BTBD19: variants seen among roughly 807,000 people sequenced by gnomAD.
BTBD19 encodes the protein BTB domain containing 19.
A neutral mutation model predicts 36.1 loss-of-function variants in BTBD19; 20 were observed. The observed-to-expected ratio is 0.55, with a 90% CI of 0.39 to 0.80. The LOEUF (loss-of-function observed/expected upper bound fraction) is 0.80. BTBD19 is among the 30% of genes least tolerant of loss of function. The pLI is 0.00. For synonymous variants in BTBD19, 157 were observed against 174.3 expected, an observed-to-expected ratio of 0.90 and a Z score of 0.78; for missense variants, 325 against 389.8, an observed-to-expected ratio of 0.83 and a Z score of 1.40.
rs899260368 is a variant in BTBD19, at chr1:44,810,350, G to A, written c.224G>A (p.Ser75Asn). ...GGGGTGCCCAGTCCTGTGGTGCTAA[G>A]CACTGTGCCAACTGAGGCCTTCCTG... The change falls in exon 2 of 8, where the codon AGC becomes AAC. Residue 75 changes from serine to asparagine, a missense_variant. Transcript: ENST00000450269. This position sits in a 1 kb window ranked among gnomAD's most constrained non-coding sequence, Gnocchi z 4.2. The A allele has an allele frequency of 5.2e-6, 8 of 1,551,678 alleles. No individual in the cohort carries two copies. The highest frequency in any genetic ancestry group is 3.9e-5 in the Admixed American group (2 of 50,986).
downstream of BTBD19, chr1:44,814,154 CTTTCTTTCTTTCTT>C: frequency 9.9e-6 from 1 of 100,784 alleles, no homozygotes; most frequent in East Asian, 3.0e-4. Flanking sequence ...CTTTCTCTTT[CTTTCTTTCTTTCTT>C]TCTTTCTTTC....
chr1:44,812,118 C>T lies in BTBD19; in HGVS notation c.414+20C>T, dbSNP rs1390768617. The T allele has an allele frequency of 3.3e-5, 43 of 1,298,732 alleles. No individual in the cohort carries two copies. The highest frequency in any genetic ancestry group is 4.3e-5 in the Non-Finnish European group (42 of 982,960). The allele number at this position is 1,298,732 out of a possible 1,614,324, so 80.5% of individuals were successfully genotyped here. A position where few individuals can be genotyped will look rare whatever the true frequency, so the allele number is the denominator to read the frequency against. Reference sequence around the variant, plus strand: ...CTGCAGGTGGGTGCTGCTGGACAGGCATGGTAGGAGTCTGGCTCTGTGTGT... The same window carrying T: ...CTGCAGGTGGGTGCTGCTGGACAGGTATGGTAGGAGTCTGGCTCTGTGTGT... On this transcript the variant is annotated intron_variant, in intron 4 of 7. Transcript: ENST00000450269.
intron 3 of BTBD19, 77 bp from the exon 4 acceptor site, chr1:44,811,962 C>T (rs1473844298): frequency 2.6e-6 from 3 of 1,164,676 alleles, no homozygotes; most frequent in Non-Finnish European, 3.5e-6. Context: ...TCCAAGCCTG[C>T]TCACTGCTTC....
rs1448144467 is a variant in BTBD19 at position 44,813,821 on chromosome 1, G to GC, written c.*53dup. 3 of 1,549,580 alleles carry GC rather than the reference G, an allele frequency of 1.9e-6. No homozygotes were observed. Among genetic ancestry groups the GC allele is most frequent in the Non-Finnish European group, 2.6e-6 (3 of 1,145,842 alleles). ...GCCCTCGACCCGCCCAGCTGAGCCTGCCCCAAACTACAGCTCCCGAAGTGC... is the reference window on the plus strand; with the variant it reads ...GCCCTCGACCCGCCCAGCTGAGCCTGCCCCCAAACTACAGCTCCCGAAGTGC... On this transcript the variant is annotated 3_prime_UTR_variant, in exon 8 of 8. Transcript: ENST00000450269. The surrounding 1 kb of genome is among the most constrained non-coding windows in gnomAD (Gnocchi z 7.8).
Position 44,810,492 on chromosome 1 carries a change from T to A in BTBD19, c.301-62T>A. ...GGTGCCAGAGGCAGGAGTTTGCCCA[T>A]TACACTGTGGGCACAGGGCAGGGGA... On this transcript the variant is annotated intron_variant, in intron 2 of 7. Transcript: ENST00000450269. This position sits in a 1 kb window ranked among gnomAD's most constrained non-coding sequence, Gnocchi z 4.2. The A allele has an allele frequency of 4.5e-6, 7 of 1,549,910 alleles. No individual in the cohort carries two copies. The highest frequency in any genetic ancestry group is 5.2e-6 in the Non-Finnish European group (6 of 1,145,870).
chr1:44,808,735 C>G, exon 1 of BTBD19: 1 of 942,954 alleles, frequency 1.1e-6, no homozygotes, highest in Non-Finnish European at 1.5e-6. Flanking sequence ...CCCTGCTTCT[C>G]CCTCTCAGGC....
At position 44,810,674 on chromosome 1, in the gene BTBD19, C is replaced by T; in HGVS notation, c.354+67C>T. Reference sequence around the variant, plus strand: ...CTCACGGGCTCACTTCCCGCCCTGCCTCACACACACTCTGGCCTGGAGAGG... The same window carrying T: ...CTCACGGGCTCACTTCCCGCCCTGCTTCACACACACTCTGGCCTGGAGAGG... On this transcript the variant is annotated intron_variant, in intron 3 of 7. Coordinates refer to ENST00000450269, the Ensembl canonical transcript of BTBD19. The surrounding 1 kb of genome is among the most constrained non-coding windows in gnomAD (Gnocchi z 4.2). 18 of 1,422,488 alleles carry T rather than the reference C, an allele frequency of 1.3e-5. No homozygotes were observed. Among genetic ancestry groups the T allele is most frequent in the Non-Finnish European group, 1.7e-5 (18 of 1,061,356 alleles). 88.1% of individuals were successfully genotyped at this position (1,422,488 alleles called of 1,614,324 possible).
Position 44,810,747 on chromosome 1 carries a change from T to C in BTBD19, c.354+140T>C, listed in dbSNP as rs543325288. 1.6e-4 allele frequency: 120 copies of C among 756,954 alleles called. No individual in the cohort carries two copies. The Middle Eastern group carries it at 2.4e-3, about 15-fold the overall frequency. 46.9% of individuals were successfully genotyped at this position (756,954 alleles called of 1,614,324 possible). ...AGTATGTATATCTCTCCCAAGTAAG[T>C]AGGGCATGTATGTGTGCCTGTGTGC... is the stretch of plus-strand genomic sequence containing the variant. On this transcript the variant is annotated intron_variant, in intron 3 of 7. Coordinates refer to ENST00000450269, the Ensembl canonical transcript of BTBD19. This position sits in a 1 kb window ranked among gnomAD's most constrained non-coding sequence, Gnocchi z 4.2.
rs1652334301 is a variant in BTBD19 at position 44,810,225 on chromosome 1, C to CG, written c.100dup (p.Val34GlyfsTer19). On this transcript the variant is annotated frameshift_variant, in exon 2 of 8. Coordinates refer to ENST00000450269, the Ensembl canonical transcript of BTBD19. LOFTEE classifies it high-confidence loss of function. This position sits in a 1 kb window ranked among gnomAD's most constrained non-coding sequence, Gnocchi z 4.2. ...CTGTCTCCCACAGTGATGTTTGCTT[C>CG]GTGGTTGGTCAAGAACGGCAGGAGG... 1.9e-6 allele frequency: 3 copies of CG among 1,551,688 alleles called. No homozygotes were observed. The highest frequency in any genetic ancestry group is 2.6e-6 in the Non-Finnish European group (3 of 1,146,870).
Position 44,813,073 on chromosome 1 carries a change from C to T in BTBD19, c.483+9C>T. 6.4e-7 allele frequency: 1 copy of T among 1,550,454 alleles called. No individual in the cohort carries two copies. The highest frequency in any genetic ancestry group is 8.7e-7 in the Non-Finnish European group (1 of 1,146,146). On this transcript the variant is annotated intron_variant, in intron 5 of 7. Transcript: ENST00000450269. The surrounding 1 kb of genome is among the most constrained non-coding windows in gnomAD (Gnocchi z 7.8). Reference sequence around the variant, plus strand: ...TAGAGGCCCACAGCCAGGTACTGCTCCCTTCATACTCCTCACCCTACGCAC... The same window carrying T: ...TAGAGGCCCACAGCCAGGTACTGCTTCCTTCATACTCCTCACCCTACGCAC...
Position 44,812,103 on chromosome 1 carries a change from G to T in BTBD19, c.414+5G>T. On this transcript the variant is annotated splice_donor_5th_base_variant and intron_variant, in intron 4 of 7. Coordinates refer to ENST00000450269, the Ensembl canonical transcript of BTBD19. ...TTGGTTTGTGAGGCCCTGCAGGTGGGTGCTGCTGGACAGGCATGGTAGGAG... is the reference window on the plus strand; with the variant it reads ...TTGGTTTGTGAGGCCCTGCAGGTGGTTGCTGCTGGACAGGCATGGTAGGAG... 1 of 1,304,018 alleles carries T rather than the reference G, an allele frequency of 7.7e-7. No individual in the cohort carries two copies. Among genetic ancestry groups the T allele is most frequent in the Middle Eastern group, 2.1e-4 (1 of 4,694 alleles). 80.8% of individuals were successfully genotyped at this position (1,304,018 alleles called of 1,614,324 possible).
At chr1:44,812,912 A>G in intron 4 of BTBD19, 84 bp from the exon 5 acceptor site, 1 of 1,304,516 alleles carries the variant, frequency 7.7e-7, no homozygotes, top group Non-Finnish European at 1.0e-6. Context: ...GGCTAGGGTC[A>G]GGCTTGCAGT....
chr1:44,810,642 C>T lies in BTBD19; in HGVS notation c.354+35C>T, dbSNP rs1557632052. 5.3e-6 allele frequency: 8 copies of T among 1,510,366 alleles called. No individual in the cohort carries two copies. Among genetic ancestry groups the T allele is most frequent in the Non-Finnish European group, 7.1e-6 (8 of 1,124,216 alleles). The allele number at this position is 1,510,366 out of a possible 1,614,324, so 93.6% of individuals were successfully genotyped here. On this transcript the variant is annotated intron_variant, in intron 3 of 7. Coordinates refer to ENST00000450269, the Ensembl canonical transcript of BTBD19. This position sits in a 1 kb window ranked among gnomAD's most constrained non-coding sequence, Gnocchi z 4.2. ...TGTGCCAGGTCCCTGTCTCATTTCCCTTGCTTCTCACGGGCTCACTTCCCG... is the reference window on the plus strand; with the variant it reads ...TGTGCCAGGTCCCTGTCTCATTTCCTTTGCTTCTCACGGGCTCACTTCCCG...
chr1:44,812,124 A>G lies in BTBD19; in HGVS notation c.414+26A>G, dbSNP rs964285720. On this transcript the variant is annotated intron_variant, in intron 4 of 7. Transcript: ENST00000450269. The stretch of plus-strand genomic sequence containing the variant: ...GTGGGTGCTGCTGGACAGGCATGGT[A>G]GGAGTCTGGCTCTGTGTGTGGAAAT... 2.3e-6 allele frequency: 3 copies of G among 1,294,932 alleles called. No homozygotes were observed. In the African/African-American group the frequency reaches 4.6e-5, roughly 20 times the overall value. 80.2% of individuals were successfully genotyped at this position (1,294,932 alleles called of 1,614,324 possible). A position where few individuals can be genotyped will look rare whatever the true frequency, so the allele number is the denominator to read the frequency against.
Position 44,810,718 on chromosome 1 carries a change from G to A in BTBD19, c.354+111G>A. 7.3e-6 allele frequency: 8 copies of A among 1,089,322 alleles called. No individual in the cohort carries two copies. In the South Asian group the frequency reaches 1.1e-4, roughly 15 times the overall value. The allele number at this position is 1,089,322 out of a possible 1,614,324, so 67.5% of individuals were successfully genotyped here. On this transcript the variant is annotated intron_variant, in intron 3 of 7. Coordinates refer to ENST00000450269, the Ensembl canonical transcript of BTBD19. This position sits in a 1 kb window ranked among gnomAD's most constrained non-coding sequence, Gnocchi z 4.2. ...GGAGAGGAACGTGTGCCCACACAGAGAGAAGTATGTATATCTCTCCCAAGT... is the reference window on the plus strand; with the variant it reads ...GGAGAGGAACGTGTGCCCACACAGAAAGAAGTATGTATATCTCTCCCAAGT...
chr1:44,812,498 G>A (rs1652465096), intron 4 of BTBD19: 1 of 453,840 alleles, frequency 2.2e-6, no homozygotes, highest in Non-Finnish European at 4.4e-6. Flanking sequence ...GAGGTCAGGA[G>A]ATCGAGACCA....
Position 44,813,687 on chromosome 1 carries a change from A to G in BTBD19, c.791A>G (p.Asp264Gly), listed in dbSNP as rs1264443684. 1.3e-6 allele frequency: 2 copies of G among 1,551,242 alleles called. No homozygotes were observed. The highest frequency in any genetic ancestry group is 1.7e-6 in the Non-Finnish European group (2 of 1,146,812). Reference sequence around the variant, plus strand: ...AAATGCCATGCCCTGCGGAGAGGGGATGAGGCCCGGGGCGCCCCGTGTCGC... The same window carrying G: ...AAATGCCATGCCCTGCGGAGAGGGGGTGAGGCCCGGGGCGCCCCGTGTCGC... The change falls in exon 8 of 8, where the codon GAT (aspartate) becomes GGT (glycine). Residue 264 changes from aspartate to glycine, a missense_variant. Physicochemically the swap from Asp to Gly is moderately conservative, Grantham distance 94. Coordinates refer to ENST00000450269, the Ensembl canonical transcript of BTBD19. This position sits in a 1 kb window ranked among gnomAD's most constrained non-coding sequence, Gnocchi z 7.8.
At chr1:44,814,160 TTC>T (rs879548612), downstream of BTBD19, 2 of 130,916 alleles carry the variant, frequency 1.5e-5, no homozygotes, top group South Asian at 2.4e-4. Flanking sequence ...CTTTCTTTCT[TTC>T]TTTCTTTCTT....
chr1:44,809,547 A>G (rs1390773535), intron 1 of BTBD19, among the ~76,000 whole-genome samples: 1 of 152,150 alleles, frequency 6.6e-6, no homozygotes, highest in Non-Finnish European at 1.5e-5. Flanking sequence ...CTTTGGGGTC[A>G]CAGTCTGGTC....
Sources: gnomAD v4.1 joint callset for allele counts (sites outside exome capture counted in the v4.1 genomes callset) on GRCh38, gnomAD v4.1.1 for gene constraint, Gnocchi (gnomAD v3.1) non-coding constraint, MANE v1.5 for transcripts, NCBI Gene and HGNC (gene_info 2026-07-23, HGNC 2026-07-21) for gene names.